The following SEMA6D variants were observed in gnomAD, a reference collection of about 807,000 sequenced individuals.
SEMA6D encodes the protein semaphorin 6D.
SEMA6D carries 35 observed loss-of-function variants against 106.6 expected under a neutral mutation model. That is an observed-to-expected ratio of 0.33 (90% CI 0.25 to 0.44). The LOEUF (loss-of-function observed/expected upper bound fraction) is 0.44, where lower values mean the gene tolerates loss of function less well. Among genes scored for constraint, SEMA6D ranks in the 20% least tolerant of loss-of-function variants. The pLI is 1.00. For missense variants in SEMA6D, 1,185 were observed against 1,345.9 expected (o/e 0.88, Z 1.87); for synonymous variants, 499 against 487.7 (o/e 1.02, Z -0.31).
At chr15:47,673,505 A>G (rs1482330667) in intron 4 of SEMA6D, among the ~76,000 whole-genome samples, 2 of 152,186 alleles carry the variant, frequency 1.3e-5, no homozygotes, top group East Asian at 3.9e-4. Context: ...CTATCACAGA[A>G]TGACCGGGCA....
At chr15:47,735,108 C>G (rs1295023367) in intron 1 of SEMA6D, among the ~76,000 whole-genome samples, 1 of 151,976 alleles carries the variant, frequency 6.6e-6, no homozygotes, top group African/African-American at 2.4e-5. Flanking sequence ...TATTGACATC[C>G]CTGAGGATTT....
chr15:47,479,374 C>T (rs1235940246), intron 3 of SEMA6D, among the ~76,000 whole-genome samples: 5 of 152,074 alleles, frequency 3.3e-5, no homozygotes, highest in Non-Finnish European at 5.9e-5. Flanking sequence ...CAGTAAGAGG[C>T]AGGCTTGATG....
intron 1 of SEMA6D, among the ~76,000 whole-genome samples, chr15:47,204,497 GTTTAATCACC>G (rs1400389941): frequency 6.6e-6 from 1 of 152,156 alleles, no homozygotes; most frequent in East Asian, 1.9e-4. Context: ...TAACGACCAT[GTTTAATCACC>G]TGGTCAGTTG....
At chr15:47,305,202 G>T (rs1195098110) in intron 1 of SEMA6D, among the ~76,000 whole-genome samples, 1 of 152,086 alleles carries the variant, frequency 6.6e-6, no homozygotes, top group Non-Finnish European at 1.5e-5. Context: ...TTAAAATTTG[G>T]CCAACTGACT....
intron 3 of SEMA6D, among the ~76,000 whole-genome samples, chr15:47,494,382 G>A (rs936733396): frequency 1.2e-4 from 18 of 151,928 alleles, no homozygotes; most frequent in Admixed American, 1.2e-3. Context: ...GATCACTGCT[G>A]TCTGTAAAAC....
chr15:47,470,630 A>C (rs2141162903), intron 3 of SEMA6D: 1 of 152,240 alleles, frequency 6.6e-6, no homozygotes, highest in Non-Finnish European at 1.5e-5. Context: ...TGGAAGATTC[A>C]TTCCTTTAGG....
chr15:47,549,696 C>T (rs925351406), intron 3 of SEMA6D, among the ~76,000 whole-genome samples: 9 of 151,910 alleles, frequency 5.9e-5, no homozygotes, highest in African/African-American at 2.2e-4. Flanking sequence ...GGTCTACTAA[C>T]CACTAATAAC....
intron 1 of SEMA6D, among the ~76,000 whole-genome samples, chr15:47,346,055 A>G (rs2038033736): frequency 6.6e-6 from 1 of 152,204 alleles, no homozygotes; most frequent in South Asian, 2.1e-4. Context: ...ACTAAAAGTC[A>G]TCTTGTGCAT....
intron 2 of SEMA6D, among the ~76,000 whole-genome samples, chr15:47,416,319 G>T (rs188757424): frequency 1.1e-4 from 16 of 152,160 alleles, no homozygotes; most frequent in Admixed American, 4.6e-4. Flanking sequence ...CTTCAAGCCT[G>T]GGTATGGTCT....
At chr15:47,728,699 T>C (rs2079923677) in intron 1 of SEMA6D, among the ~76,000 whole-genome samples, 1 of 152,234 alleles carries the variant, frequency 6.6e-6, no homozygotes, top group Admixed American at 6.5e-5. Flanking sequence ...AAAATCCAGA[T>C]AGCAGCTCCA....
At chr15:47,406,697 C>T (rs1035355592) in intron 1 of SEMA6D, among the ~76,000 whole-genome samples, 14 of 149,166 alleles carry the variant, frequency 9.4e-5, no homozygotes, top group African/African-American at 3.0e-4. Flanking sequence ...ACCTAATGTA[C>T]GGTATGGTGA....
intron 3 of SEMA6D, among the ~76,000 whole-genome samples, chr15:47,571,229 T>C (rs1441226257): frequency 1.3e-5 from 2 of 152,042 alleles, no homozygotes; most frequent in Admixed American, 6.6e-5. Flanking sequence ...TTGAGGCCAA[T>C]ATTAAGAGCA....
intron 1 of SEMA6D, among the ~76,000 whole-genome samples, chr15:47,254,875 TTGTGTGTGTGTGTG>T (rs58271041): frequency 1.6e-4 from 21 of 134,308 alleles, no homozygotes; most frequent in South Asian, 1.0e-3. Context: ...ACCTGTGGTT[TTGTGTGTGTGTGTG>T]TGTGTGTGTG....
In SEMA6D at chr15:47,739,909, A is replaced by G. The variant is rs533104167; in HGVS notation, c.-54-19836A>G. On this transcript the variant is annotated intron_variant, in intron 1 of 18. Coordinates refer to ENST00000536845, the MANE Select transcript of SEMA6D (RefSeq NM_001358351.3). ...GCTAATACTAATTGTACTTATTTGC[A>G]TAAGTTTAAGTTTTCCGTATATTAA... Among the ~76,000 whole-genome samples the G allele has an allele frequency of 3.9e-5, 6 of 152,354 alleles. No homozygotes were observed. The South Asian group carries it at 1.0e-3, about 26-fold the overall frequency.
intron 2 of SEMA6D, among the ~76,000 whole-genome samples, chr15:47,425,839 T>C (rs191358613): frequency 5.0e-4 from 76 of 152,058 alleles, no homozygotes; most frequent in Non-Finnish European, 1.0e-4. Context: ...TGGGGACACT[T>C]TTAGGACTGG....
intron 1 of SEMA6D, among the ~76,000 whole-genome samples, chr15:47,279,089 C>T (rs12905571): frequency 0.13 from 812 of 6,282 alleles, 96 homozygotes; most frequent in Middle Eastern, 0.25. Context: ...ATTGACTTGG[C>T]GATGCGCGCT....
intron 1 of SEMA6D, among the ~76,000 whole-genome samples, chr15:47,396,938 G>C (rs1301643828): frequency 6.6e-6 from 1 of 152,076 alleles, no homozygotes; most frequent in Non-Finnish European, 1.5e-5. Flanking sequence ...TCTAACACAT[G>C]CTCCATTGTA....
intron 4 of SEMA6D, among the ~76,000 whole-genome samples, chr15:47,661,986 G>A (rs756618868): frequency 1.1e-4 from 16 of 152,142 alleles, no homozygotes; most frequent in African/African-American, 1.4e-4. Context: ...CTCCTTCCCA[G>A]CCGGTTGTTA....
At chr15:47,300,180 C>G (rs934294166) in intron 1 of SEMA6D, among the ~76,000 whole-genome samples, 11 of 151,442 alleles carry the variant, frequency 7.3e-5, no homozygotes, top group Admixed American at 6.6e-5. Flanking sequence ...CTGTGCTTTC[C>G]TCCTCCTCAC....
Sources: gnomAD v4.1 joint callset for allele counts (sites outside exome capture counted in the v4.1 genomes callset) on GRCh38, gnomAD v4.1.1 for gene constraint, MANE v1.5 for transcripts, NCBI Gene and HGNC (gene_info 2026-07-23, HGNC 2026-07-21) for gene names.